LVRN: variants seen among roughly 807,000 people sequenced by gnomAD.
The protein encoded by LVRN is laeverin.
A neutral mutation model predicts 111.4 loss-of-function variants in LVRN; 99 were observed. That is an observed-to-expected ratio of 0.89 (90% CI 0.76 to 1.05). The LOEUF (loss-of-function observed/expected upper bound fraction) is 1.05. Among genes scored for constraint, LVRN ranks in the 50% least tolerant of loss-of-function variants. The pLI, the probability that LVRN is intolerant of heterozygous loss-of-function variation, is 0.00. For missense variants in LVRN, 1,414 were observed against 1,206.8 expected (o/e 1.17, Z -2.54); for synonymous variants, 488 against 449.5 (o/e 1.09, Z -1.08).
chr5:115,999,705 A>G, intron 6 of LVRN, 57 bp from the exon 7 acceptor site: 1 of 1,564,640 alleles, frequency 6.4e-7, no homozygotes, highest in Non-Finnish European at 8.7e-7. Flanking sequence ...GGGCCATAGA[A>G]TTTTGGTCTT....
rs1753130016 is a variant in LVRN, at chr5:115,963,267, G to A, written c.650G>A (p.Arg217Lys). ...SFSGLVKEDL[R>K]EGLFLNVYTD... is the part of the protein sequence containing the mutation. ...TCGGGCCTGGTGAAGGAAGACCTCAGGGAGGGACTCTTCCTCAACGTCTAC... is the reference window on the plus strand; with the variant it reads ...TCGGGCCTGGTGAAGGAAGACCTCAAGGAGGGACTCTTCCTCAACGTCTAC... The change falls in exon 1 of 20, where the codon AGG becomes AAG. Residue 217 changes from arginine to lysine, a missense_variant. By Grantham distance (26) the Arg-to-Lys change is conservative. Transcript: ENST00000357872. The A allele has an allele frequency of 1.9e-6, 3 of 1,612,674 alleles. No individual in the cohort carries two copies. Among genetic ancestry groups the A allele is most frequent in the African/African-American group, 1.3e-5 (1 of 75,030 alleles).
rs1224237428 is a variant in LVRN, at chr5:116,025,937, A to G, written c.2833-41A>G. 4.4e-6 allele frequency: 7 copies of G among 1,604,250 alleles called. No homozygotes were observed. The East Asian group carries it at 1.6e-4, about 36-fold the overall frequency. On this transcript the variant is annotated intron_variant, in intron 19 of 19. Coordinates refer to ENST00000357872, the MANE Select transcript of LVRN (RefSeq NM_173800.5). ...TAGACATTTACTTTGTCCAAATGGG[A>G]AGTTGGATTGCACTGATCATCTGTC...
At chr5:116,009,479 A>T (rs1245217866) in intron 13 of LVRN, among the ~76,000 whole-genome samples, 2 of 152,198 alleles carry the variant, frequency 1.3e-5, no homozygotes, top group Non-Finnish European at 2.9e-5. Flanking sequence ...ATAGATAATG[A>T]TCCTTCTGAT....
intron 1 of LVRN, among the ~76,000 whole-genome samples, chr5:115,981,618 A>T (rs891081736): frequency 1.3e-5 from 2 of 152,172 alleles, no homozygotes; most frequent in African/African-American, 4.8e-5. Context: ...TAAAAGTACA[A>T]TTAAATTATT....
intron 3 of LVRN, among the ~76,000 whole-genome samples, chr5:115,985,005 G>C (rs1747824693): frequency 6.6e-6 from 1 of 152,152 alleles, no homozygotes; most frequent in African/African-American, 2.4e-5. Flanking sequence ...GGAGAGAATG[G>C]GGAGCACTGC....
chr5:116,013,696 G>A lies in LVRN; in HGVS notation c.2343-724G>A, dbSNP rs190120414. On this transcript the variant is annotated intron_variant, in intron 15 of 19. Coordinates refer to ENST00000357872, the MANE Select transcript of LVRN (RefSeq NM_173800.5). The stretch of plus-strand genomic sequence containing the variant: ...TGGAGGACGGAGTAACAGAGATTTG[G>A]CGCTTGCGTTTTCTGGAAACTTATG... 2.6e-5 allele frequency among the ~76,000 whole-genome samples: 4 copies of A among 152,242 alleles called. No individual in the cohort carries two copies. In the East Asian group the frequency reaches 7.7e-4, roughly 29 times the overall value.
In LVRN at chr5:116,010,854, T is replaced by C. The variant is rs867087638; in HGVS notation, c.2207T>C (p.Val736Ala). Residue 736 changes from valine to alanine, a missense_variant, in exon 14 of 20, where the codon GTT becomes GCT. Physicochemically the swap from Val to Ala is moderately conservative, Grantham distance 64. Coordinates refer to ENST00000357872, the MANE Select transcript of LVRN (RefSeq NM_173800.5). The stretch of plus-strand genomic sequence containing the variant: ...GTAAACTTGGTAACCAGGGATCTTG[T>C]TTCTGAGGTGAACATCTATGATATA... ...VLVNLVTRDL[V>A]SEVNIYDIYS... The C allele has an allele frequency of 6.2e-7, 1 of 1,610,646 alleles. No homozygotes were observed. The highest frequency in any genetic ancestry group is 1.3e-5 in the African/African-American group (1 of 74,826).
chr5:116,004,661 G>A (rs1748321132), intron 12 of LVRN, among the ~76,000 whole-genome samples: 2 of 152,166 alleles, frequency 1.3e-5, no homozygotes, highest in Admixed American at 1.3e-4. Context: ...TCCTGGAGGT[G>A]AGTGGTGGGA....
At chr5:115,964,723 C>A (rs769407678) in intron 1 of LVRN, among the ~76,000 whole-genome samples, 12 of 152,082 alleles carry the variant, frequency 7.9e-5, no homozygotes, top group Non-Finnish European at 1.3e-4. Context: ...AAGTCCCGTT[C>A]AATTTTTCTA....
intron 1 of LVRN, among the ~76,000 whole-genome samples, chr5:115,970,425 C>T (rs1183209294): frequency 2.0e-5 from 3 of 149,096 alleles, no homozygotes; most frequent in Non-Finnish European, 4.4e-5. Context: ...GCTCTGTCAC[C>T]AGGCTGGAGT....
chr5:115,966,765 C>G (rs1448551262), intron 1 of LVRN, among the ~76,000 whole-genome samples: 8 of 152,192 alleles, frequency 5.3e-5, no homozygotes, highest in Admixed American at 5.2e-4. Context: ...ATACTCCTAC[C>G]AGCAATATAT....
intron 15 of LVRN, 151 bp downstream of exon 15, chr5:116,012,619 G>T: frequency 1.9e-6 from 1 of 532,682 alleles, no homozygotes. Context: ...AGGTTGGTGG[G>T]CTACATGTAT....
chr5:116,008,146 C>A (rs1464228329), intron 13 of LVRN, among the ~76,000 whole-genome samples: 1 of 152,138 alleles, frequency 6.6e-6, no homozygotes, highest in South Asian at 2.1e-4. Flanking sequence ...TCAAGACCAT[C>A]CTGGCTAACA....
At chr5:115,970,293 C>T (rs552472574) in intron 1 of LVRN, among the ~76,000 whole-genome samples, 17 of 152,030 alleles carry the variant, frequency 1.1e-4, no homozygotes, top group Admixed American at 2.6e-4. Flanking sequence ...GATTAATTTG[C>T]GTTTTGTAGT....
chr5:116,017,091 G>A (rs902969202), intron 18 of LVRN, among the ~76,000 whole-genome samples: 1 of 152,198 alleles, frequency 6.6e-6, no homozygotes. Context: ...GGGGAAGAAA[G>A]GGATGTGCAT....
At chr5:115,970,824 G>A (rs887668289) in intron 1 of LVRN, among the ~76,000 whole-genome samples, 2 of 152,182 alleles carry the variant, frequency 1.3e-5, no homozygotes, top group African/African-American at 4.8e-5. Context: ...TACAAATAAA[G>A]CTTCCAGGAA....
At chr5:115,969,497 T>G (rs73259340) in intron 1 of LVRN, among the ~76,000 whole-genome samples, 1,694 of 152,226 alleles carry the variant, frequency 0.011, 37 homozygotes, top group African/African-American at 0.038. Flanking sequence ...AAATTGTCAT[T>G]TAAGATATTG....
Position 115,992,175 on chromosome 5 carries a change from A to G in LVRN, c.1158A>G (p.Leu386=). ...FDNHAMENWG[L]MIFDESGLLL... ...ACCATGCAATGGAAAACTGGGGACTAATGATATTTGATGAATCAGGATTGT... is the reference window on the plus strand; with the variant it reads ...ACCATGCAATGGAAAACTGGGGACTGATGATATTTGATGAATCAGGATTGT... Residue 386 remains leucine, a synonymous_variant, in exon 5 of 20, where the codon CTA becomes CTG. Coordinates refer to ENST00000357872, the MANE Select transcript of LVRN (RefSeq NM_173800.5). 1 of 1,613,908 alleles carries G rather than the reference A, an allele frequency of 6.2e-7. No homozygotes were observed. The highest frequency in any genetic ancestry group is 8.5e-7 in the Non-Finnish European group (1 of 1,179,842).
chr5:115,982,878 A>G (rs1747742632), intron 1 of LVRN, among the ~76,000 whole-genome samples: 1 of 152,134 alleles, frequency 6.6e-6, no homozygotes, highest in South Asian at 2.1e-4. Context: ...AAAAAAATAG[A>G]CATTCTTCCC....
Sources: allele counts gnomAD v4.1 joint callset (sites outside exome capture counted in the v4.1 genomes callset), GRCh38; gene constraint gnomAD v4.1.1; transcripts MANE v1.5; gene names NCBI Gene and HGNC (gene_info 2026-07-23, HGNC 2026-07-21).